The following CNTLN variants were observed in gnomAD, a reference collection of about 807,000 sequenced individuals.
CNTLN encodes the protein centlein, centrosomal protein.
CNTLN carries 212 observed loss-of-function variants against 180.0 expected under a neutral mutation model. The ratio of observed to expected loss-of-function variants is 1.18; its 90% CI spans 1.05 to 1.32. The LOEUF is 1.32. Ranked by LOEUF, CNTLN falls within the 40% of genes most tolerant of loss-of-function variation. CNTLN has a pLI of 0.00. For missense variants in CNTLN, 2,095 were observed against 1,610.9 expected, an observed-to-expected ratio of 1.30 and a Z score of -5.14; for synonymous variants, 722 against 563.1, an observed-to-expected ratio of 1.28 and a Z score of -3.99.
At chr9:17,245,115 A>G (rs1825722678) in intron 5 of CNTLN, among the ~76,000 whole-genome samples, 1 of 152,110 alleles carries the variant, frequency 6.6e-6, no homozygotes, top group South Asian at 2.1e-4. Flanking sequence ...GTATTTGTCT[A>G]TATACTTATT....
intron 23 of CNTLN, among the ~76,000 whole-genome samples, chr9:17,483,238 A>G (rs1832735570): frequency 6.6e-6 from 1 of 152,198 alleles, no homozygotes; most frequent in Non-Finnish European, 1.5e-5. Flanking sequence ...AACTTTGTTT[A>G]TAATGAGAGA....
chr9:17,233,467 G>T (rs764772628), intron 3 of CNTLN, among the ~76,000 whole-genome samples: 1 of 151,724 alleles, frequency 6.6e-6, no homozygotes, highest in African/African-American at 2.4e-5. Flanking sequence ...ATTATAATCC[G>T]TTTAAAAAAA....
chr9:17,375,630 G>A (rs1256936137), intron 13 of CNTLN, among the ~76,000 whole-genome samples: 1 of 152,118 alleles, frequency 6.6e-6, no homozygotes, highest in East Asian at 1.9e-4. Flanking sequence ...AGGTACTATA[G>A]TGTTATGCTT....
At chr9:17,144,903 G>A (rs1228972048) in intron 2 of CNTLN, among the ~76,000 whole-genome samples, 6 of 150,756 alleles carry the variant, frequency 4.0e-5, no homozygotes, top group Non-Finnish European at 8.9e-5. Flanking sequence ...CTGCAGTGGC[G>A]CAATCTCGGC....
At chr9:17,288,023 T>A (rs944981311) in intron 6 of CNTLN, among the ~76,000 whole-genome samples, 1 of 139,486 alleles carries the variant, frequency 7.2e-6, no homozygotes, top group Non-Finnish European at 1.5e-5. Flanking sequence ...TCTGCTCTGA[T>A]GTTAGTTATT....
At chr9:17,388,558 G>A (rs564415914) in intron 14 of CNTLN, among the ~76,000 whole-genome samples, 1 of 152,058 alleles carries the variant, frequency 6.6e-6, no homozygotes, top group East Asian at 1.9e-4. Flanking sequence ...TTATAACTTA[G>A]TTTAAAGTAT....
At chr9:17,305,649 C>T (rs576380732) in intron 7 of CNTLN, among the ~76,000 whole-genome samples, 1 of 151,994 alleles carries the variant, frequency 6.6e-6, no homozygotes, top group South Asian at 2.1e-4. Flanking sequence ...ATTTGATTAC[C>T]CTGAGGTCTT....
intron 5 of CNTLN, among the ~76,000 whole-genome samples, chr9:17,260,946 C>A (rs1367842263): frequency 1.3e-5 from 2 of 151,328 alleles, no homozygotes; most frequent in Admixed American, 6.6e-5. Context: ...TTCCCCATTT[C>A]ATGTTTTTGT....
In CNTLN at chr9:17,135,443, A is replaced by G; in HGVS notation, c.360+18A>G. On this transcript the variant is annotated intron_variant, in intron 1 of 25. Coordinates refer to ENST00000380647, the MANE Select transcript of CNTLN (RefSeq NM_017738.4). ...TGTGTCAGGTATCGAGGAGTCTCGC[A>G]GTCCCCCTTTCCCCACCACAGCGGG... 1.3e-6 allele frequency: 2 copies of G among 1,582,190 alleles called. No homozygotes were observed. The highest frequency in any genetic ancestry group is 1.2e-5 in the South Asian group (1 of 86,102).
At chr9:17,213,935 A>G (rs373322232) in intron 2 of CNTLN, among the ~76,000 whole-genome samples, 1 of 151,580 alleles carries the variant, frequency 6.6e-6, no homozygotes, top group African/African-American at 2.4e-5. Context: ...CTTTATTTTG[A>G]GCGTATGTGT....
intron 23 of CNTLN, among the ~76,000 whole-genome samples, chr9:17,481,836 A>G (rs988277576): frequency 6.6e-6 from 1 of 152,154 alleles, no homozygotes; most frequent in Non-Finnish European, 1.5e-5. Context: ...CCTTAGCAGT[A>G]TGGGCAGCAG....
chr9:17,190,465 A>C (rs2131804223), intron 2 of CNTLN, among the ~76,000 whole-genome samples: 1 of 152,126 alleles, frequency 6.6e-6, no homozygotes, highest in South Asian at 2.1e-4. Flanking sequence ...TTATCTTGTA[A>C]GTTTATAATT....
At chr9:17,464,039 C>A (rs1479428555) in intron 20 of CNTLN, among the ~76,000 whole-genome samples, 1 of 151,390 alleles carries the variant, frequency 6.6e-6, no homozygotes. Flanking sequence ...GATTGAATCT[C>A]AAATTATATT....
intron 6 of CNTLN, among the ~76,000 whole-genome samples, chr9:17,296,322 G>A (rs1375685125): frequency 6.6e-6 from 1 of 152,024 alleles, no homozygotes; most frequent in South Asian, 2.1e-4. Flanking sequence ...CCTGCCTAGT[G>A]TGTTTCTTTT....
intron 2 of CNTLN, among the ~76,000 whole-genome samples, chr9:17,173,858 C>A (rs1263317864): frequency 6.6e-6 from 1 of 152,156 alleles, no homozygotes; most frequent in Admixed American, 6.5e-5. Flanking sequence ...TGAACCATTT[C>A]TTTCCAATAA....
chr9:17,418,016 C>G (rs143978756), intron 18 of CNTLN, among the ~76,000 whole-genome samples: 2,323 of 151,984 alleles, frequency 0.015, 58 homozygotes, highest in African/African-American at 0.053. Context: ...TGAAGTTACC[C>G]TCAATTCTAG....
intron 22 of CNTLN, 87 bp downstream of exon 22, chr9:17,466,205 A>G (rs1831738102): frequency 1.7e-6 from 2 of 1,188,000 alleles, no homozygotes; most frequent in Non-Finnish European, 2.4e-6. Context: ...TTTCCTTCCC[A>G]AAACCACAAG....
chr9:17,151,874 C>A (rs940357263), intron 2 of CNTLN, among the ~76,000 whole-genome samples: 1 of 152,090 alleles, frequency 6.6e-6, no homozygotes, highest in Admixed American at 6.6e-5. Flanking sequence ...CGATTTCTTC[C>A]TGTCTTGGAA....
At chr9:17,191,273 G>A (rs1207205651) in intron 2 of CNTLN, among the ~76,000 whole-genome samples, 1 of 152,164 alleles carries the variant, frequency 6.6e-6, no homozygotes, top group African/African-American at 2.4e-5. Context: ...TTTTATCACA[G>A]CAGTTGTTAA....
Sources: gnomAD v4.1 joint callset for allele counts (sites outside exome capture counted in the v4.1 genomes callset) on GRCh38, gnomAD v4.1.1 for gene constraint, MANE v1.5 for transcripts, NCBI Gene and HGNC (gene_info 2026-07-23, HGNC 2026-07-21) for gene names.